Variants in PIP5K1B observed in about 807,000 individuals in gnomAD.
PIP5K1B encodes the protein phosphatidylinositol 4-phosphate 5-kinase type-1 beta.
Under a neutral mutation model 67.0 loss-of-function variants are expected in PIP5K1B, and 42 were observed. The ratio of observed to expected loss-of-function variants is 0.63; its 90% CI spans 0.49 to 0.81. PIP5K1B has a LOEUF of 0.81. Ranked by LOEUF, PIP5K1B falls within the 30% of genes least tolerant of loss-of-function variation. The pLI is 0.00. For synonymous variants in PIP5K1B, 214 were observed against 231.4 expected (o/e 0.92, Z 0.68); for missense variants, 459 against 646.3 (o/e 0.71, Z 3.14).
chr9:68,892,531 G>T lies in PIP5K1B; in HGVS notation c.472-1808G>T, dbSNP rs1824847812. On this transcript the variant is annotated intron_variant, in intron 7 of 15. Transcript: ENST00000265382. ...ATTTAAACTCAATTGGAAAATGTCA[G>T]ACTGTTCAATAAGTATCCATTTGAG... is the stretch of plus-strand genomic sequence containing the variant. 2.0e-5 allele frequency among the ~76,000 whole-genome samples: 3 copies of T among 152,268 alleles called. No individual in the cohort carries two copies. The South Asian group carries it at 6.2e-4, about 32-fold the overall frequency.
chr9:68,763,944 C>T (rs922782139), intron 2 of PIP5K1B, among the ~76,000 whole-genome samples: 7 of 152,044 alleles, frequency 4.6e-5, no homozygotes, highest in African/African-American at 1.7e-4. Flanking sequence ...TCACTTACTA[C>T]ATGTCTGGCA....
intron 5 of PIP5K1B, among the ~76,000 whole-genome samples, chr9:68,867,042 C>T (rs1331857706): frequency 1.3e-5 from 2 of 152,118 alleles, no homozygotes; most frequent in East Asian, 1.9e-4. Flanking sequence ...CCTTCAGGTT[C>T]GTGTAACAAT....
At chr9:68,831,729 G>T (rs1372537198) in intron 4 of PIP5K1B, among the ~76,000 whole-genome samples, 1 of 152,096 alleles carries the variant, frequency 6.6e-6, no homozygotes, top group Non-Finnish European at 1.5e-5. Context: ...AGGCTGGAGT[G>T]CAGTGGTGTG....
chr9:68,822,072 T>C (rs1564161586), intron 3 of PIP5K1B, among the ~76,000 whole-genome samples: 1 of 152,212 alleles, frequency 6.6e-6, no homozygotes, highest in East Asian at 1.9e-4. Flanking sequence ...GGTAGTAGAA[T>C]TGAGTAATTT....
At chr9:68,829,000 G>A (rs1339572313) in intron 4 of PIP5K1B, among the ~76,000 whole-genome samples, 1 of 152,222 alleles carries the variant, frequency 6.6e-6, no homozygotes, top group Non-Finnish European at 1.5e-5. Flanking sequence ...TGCTTGGGAG[G>A]CTGACACAGG....
intron 6 of PIP5K1B, among the ~76,000 whole-genome samples, chr9:68,887,617 T>C (rs11144138): frequency 0.12 from 18,534 of 152,244 alleles, 1,189 homozygotes; most frequent in Non-Finnish European, 0.14. Context: ...ATTTGCATTT[T>C]AGAAAGATGC....
intron 8 of PIP5K1B, among the ~76,000 whole-genome samples, chr9:68,914,422 T>C (rs143724871): frequency 2.0e-5 from 3 of 152,244 alleles, no homozygotes; most frequent in East Asian, 3.9e-4. Context: ...TTTTTGCCAA[T>C]TGAAAATTCC....
chr9:68,898,889 C>T (rs182457270), intron 8 of PIP5K1B, among the ~76,000 whole-genome samples: 175 of 152,296 alleles, frequency 1.1e-3, no homozygotes, highest in African/African-American at 3.8e-3. Context: ...TCATTGCCTT[C>T]CATCACATCC....
chr9:68,875,277 C>T (rs2132311734), intron 5 of PIP5K1B, among the ~76,000 whole-genome samples: 1 of 117,628 alleles, frequency 8.5e-6, no homozygotes, highest in South Asian at 2.9e-4. Context: ...CAAGCCAGCT[C>T]CATCCTCTGG....
chr9:68,767,182 A>G (rs1830466476), intron 2 of PIP5K1B, among the ~76,000 whole-genome samples: 1 of 152,242 alleles, frequency 6.6e-6, no homozygotes, highest in South Asian at 2.1e-4. Context: ...TAAGATACCA[A>G]AATGATCTTA....
At position 68,875,947 on chromosome 9, in the gene PIP5K1B, T is replaced by C. The variant is rs143886566; in HGVS notation, c.201-730T>C. On this transcript the variant is annotated intron_variant, in intron 5 of 15. Transcript: ENST00000265382. Reference sequence around the variant, plus strand: ...TGGATCCCTCTATGGATCTGAGCAGTAAAAAGTACAGAAGGGGCTTCAACT... The same window carrying C: ...TGGATCCCTCTATGGATCTGAGCAGCAAAAAGTACAGAAGGGGCTTCAACT... 1.1e-3 allele frequency among the ~76,000 whole-genome samples: 166 copies of C among 152,292 alleles called. 1 individual carries two copies. Among genetic ancestry groups the C allele is most frequent in the African/African-American group, 3.8e-3 (158 of 41,568 alleles).
intron 2 of PIP5K1B, among the ~76,000 whole-genome samples, chr9:68,805,445 G>A (rs991760374): frequency 4.6e-5 from 7 of 152,232 alleles, no homozygotes; most frequent in African/African-American, 1.7e-4. Flanking sequence ...TGCAGGGACT[G>A]CGTATGGTGT....
At chr9:68,821,059 C>T (rs1251207493) in intron 3 of PIP5K1B, among the ~76,000 whole-genome samples, 1 of 152,168 alleles carries the variant, frequency 6.6e-6, no homozygotes, top group Non-Finnish European at 1.5e-5. Context: ...AGGAGGATTG[C>T]TTGAGCTTAG....
At chr9:68,750,275 C>T (rs902462861) in intron 2 of PIP5K1B, among the ~76,000 whole-genome samples, 1 of 152,204 alleles carries the variant, frequency 6.6e-6, no homozygotes, top group African/African-American at 2.4e-5. Flanking sequence ...CATTGCCCTC[C>T]CCTCTCACCT....
At chr9:68,965,830 A>G (rs56309706) in intron 14 of PIP5K1B, among the ~76,000 whole-genome samples, 10 of 152,050 alleles carry the variant, frequency 6.6e-5, no homozygotes, top group African/African-American at 9.6e-5. Flanking sequence ...GCCAGGCATG[A>G]TGCATACCTG....
At chr9:68,847,937 A>G (rs11143995) in intron 4 of PIP5K1B, among the ~76,000 whole-genome samples, 2,752 of 152,318 alleles carry the variant, frequency 0.018, 60 homozygotes, top group East Asian at 0.1. Flanking sequence ...ACACAAAACT[A>G]CAAAGCTGCT....
intron 14 of PIP5K1B, among the ~76,000 whole-genome samples, chr9:68,965,850 TG>T (rs1828996818): frequency 6.6e-6 from 1 of 151,524 alleles, no homozygotes; most frequent in Non-Finnish European, 1.5e-5. Context: ...GGCACATACC[TG>T]TAATACCAGC....
intron 4 of PIP5K1B, among the ~76,000 whole-genome samples, chr9:68,861,559 A>T (rs564446750): frequency 1.3e-5 from 2 of 152,302 alleles, no homozygotes; most frequent in African/African-American, 4.8e-5. Context: ...AGTTAAGCAG[A>T]TACAGATAGT....
intron 7 of PIP5K1B, 68 bp downstream of exon 7, chr9:68,889,201 G>T: frequency 7.7e-7 from 1 of 1,291,532 alleles, no homozygotes; most frequent in Non-Finnish European, 1.1e-6. Flanking sequence ...GTTTTTTTCT[G>T]TTGTTTTTTT....
Sources: allele counts gnomAD v4.1 joint callset (sites outside exome capture counted in the v4.1 genomes callset), GRCh38; gene constraint gnomAD v4.1.1; transcripts MANE v1.5; gene names NCBI Gene and HGNC (gene_info 2026-07-23, HGNC 2026-07-21).